The following QTMAN variants were observed in gnomAD, a reference collection of about 807,000 sequenced individuals.
QTMAN encodes the protein tRNA-queuosine alpha-mannosyltransferase.
the QTMAN span, among the ~76,000 whole-genome samples, chr2:144,099,023 A>G: frequency 6.6e-6 from 1 of 152,224 alleles, no homozygotes; most frequent in South Asian, 2.1e-4. Flanking sequence ...AAGGCATCAA[A>G]GACAGAATCT....
At chr2:143,952,988 G>C in the QTMAN span, 1 of 598,278 alleles carries the variant, frequency 1.7e-6, no homozygotes, top group Non-Finnish European at 3.0e-6. Context: ...AATTCTAAAA[G>C]CCAAAGTTGC....
chr2:143,990,214 T>A, the QTMAN span, among the ~76,000 whole-genome samples: 5 of 152,126 alleles, frequency 3.3e-5, no homozygotes, highest in African/African-American at 2.4e-5. Context: ...GGATGTTTTT[T>A]AAAAAAGGAT....
the QTMAN span, among the ~76,000 whole-genome samples, chr2:144,135,501 C>G: frequency 6.6e-6 from 1 of 152,132 alleles, no homozygotes; most frequent in East Asian, 1.9e-4. Flanking sequence ...TTCTTTAGGA[C>G]CATTTTCATT....
At chr2:143,939,171 AG>A in the QTMAN span, 39 of 152,224 alleles carry the variant, frequency 2.6e-4, no homozygotes, top group Admixed American at 2.0e-3. Flanking sequence ...AAAATAAGTA[AG>A]GTGAAAGAGC....
the QTMAN span, among the ~76,000 whole-genome samples, chr2:144,168,150 T>C: frequency 6.6e-6 from 1 of 152,198 alleles, no homozygotes; most frequent in Non-Finnish European, 1.5e-5. Context: ...TAATCCTCCA[T>C]ATCTTCCAAA....
At chr2:144,051,578 C>T in the QTMAN span, among the ~76,000 whole-genome samples, 7 of 152,008 alleles carry the variant, frequency 4.6e-5, no homozygotes, top group Non-Finnish European at 1.0e-4. Flanking sequence ...CAAGGTATCA[C>T]GAATAGAGCA....
the QTMAN span, among the ~76,000 whole-genome samples, chr2:144,016,762 C>T: frequency 1.3e-5 from 2 of 152,094 alleles, no homozygotes; most frequent in Non-Finnish European, 2.9e-5. Flanking sequence ...ATTACAGAGT[C>T]TCCTTTGGAA....
chr2:144,107,658 C>T, the QTMAN span, among the ~76,000 whole-genome samples: 8 of 152,134 alleles, frequency 5.3e-5, no homozygotes, highest in East Asian at 1.3e-3. Context: ...GATTCACAGC[C>T]GAATTCTACC....
the QTMAN span, among the ~76,000 whole-genome samples, chr2:144,056,092 T>C: frequency 6.6e-6 from 1 of 152,238 alleles, no homozygotes; most frequent in Non-Finnish European, 1.5e-5. Context: ...CACAGTGAGC[T>C]ATGCTATATT....
chr2:144,105,247 T>A, the QTMAN span, among the ~76,000 whole-genome samples: 1 of 152,182 alleles, frequency 6.6e-6, no homozygotes, highest in Non-Finnish European at 1.5e-5. Context: ...AGAGCAAAGC[T>A]GGACGGAGAA....
the QTMAN span, chr2:144,211,600 A>G: frequency 1.3e-5 from 2 of 152,622 alleles, no homozygotes; most frequent in African/African-American, 4.8e-5. Context: ...GATGATTCCT[A>G]TTAGATACAA....
At chr2:143,988,158 T>G in the QTMAN span, among the ~76,000 whole-genome samples, 1 of 152,212 alleles carries the variant, frequency 6.6e-6, no homozygotes, top group Non-Finnish European at 1.5e-5. Flanking sequence ...TGCTGTTTTC[T>G]CAGGTCTATG....
chr2:144,132,970 G>A, the QTMAN span, among the ~76,000 whole-genome samples: 3 of 148,044 alleles, frequency 2.0e-5, no homozygotes, highest in South Asian at 4.2e-4. Flanking sequence ...GTTTACAAAT[G>A]AGAAAACTGA....
chr2:144,027,817 C>A, the QTMAN span, among the ~76,000 whole-genome samples: 4 of 152,182 alleles, frequency 2.6e-5, no homozygotes, highest in Non-Finnish European at 1.5e-5. Context: ...TAAGATAGGG[C>A]TTTAAAGTTA....
At chr2:144,221,894 A>G in the QTMAN span, among the ~76,000 whole-genome samples, 1 of 152,206 alleles carries the variant, frequency 6.6e-6, no homozygotes, top group Non-Finnish European at 1.5e-5. Context: ...GTAATTCTCA[A>G]TCTTAAAATG....
chr2:144,050,726 C>A, the QTMAN span, among the ~76,000 whole-genome samples: 4 of 151,946 alleles, frequency 2.6e-5, no homozygotes, highest in Admixed American at 6.6e-5. Context: ...TAGATTTAAA[C>A]CTTTTGTCAG....
At chr2:144,080,403 T>C in the QTMAN span, among the ~76,000 whole-genome samples, 1 of 152,166 alleles carries the variant, frequency 6.6e-6, no homozygotes, top group Non-Finnish European at 1.5e-5. Flanking sequence ...TTCTGTCCTC[T>C]GAGAACCTGA....
the QTMAN span, among the ~76,000 whole-genome samples, chr2:144,106,130 G>A: frequency 3.9e-5 from 6 of 152,052 alleles, no homozygotes; most frequent in South Asian, 2.1e-4. Flanking sequence ...AGGAACAACC[G>A]GTATCAGCCA....
chr2:144,064,307 G>A, the QTMAN span, among the ~76,000 whole-genome samples: 2 of 152,232 alleles, frequency 1.3e-5, no homozygotes, highest in Non-Finnish European at 2.9e-5. Context: ...CCTACATTCT[G>A]AGAAGCTCAG....
Sources: gnomAD v4.1 joint callset for allele counts (sites outside exome capture counted in the v4.1 genomes callset) on GRCh38, gnomAD v4.1.1 for gene constraint, MANE v1.5 for transcripts, NCBI Gene and HGNC (gene_info 2026-07-23, HGNC 2026-07-21) for gene names.